Variants in SLMAP observed in about 807,000 individuals in gnomAD.
The protein encoded by SLMAP is sarcolemmal membrane-associated protein.
In SLMAP, 44 loss-of-function variants were observed where a neutral mutation model predicts 128.8. The ratio of observed to expected loss-of-function variants is 0.34; its 90% CI spans 0.27 to 0.44. SLMAP has a LOEUF of 0.44. SLMAP is among the 20% of genes least tolerant of loss of function. SLMAP has a pLI of 1.00. For missense variants in SLMAP, 787 were observed against 985.3 expected (o/e 0.80, Z 2.69); for synonymous variants, 327 against 348.8 (o/e 0.94, Z 0.70).
chr3:57,768,047 T>C (rs1290690226), intron 2 of SLMAP, among the ~76,000 whole-genome samples: 2 of 152,230 alleles, frequency 1.3e-5, no homozygotes. Context: ...CAAACTGATT[T>C]GGCTTTGGGT....
At chr3:57,901,453 C>A (rs1352390607) in intron 17 of SLMAP, 2 of 152,100 alleles carry the variant, frequency 1.3e-5, no homozygotes, top group Admixed American at 1.3e-4. Context: ...GGACAAGAGT[C>A]ATTTGAAATG....
intron 7 of SLMAP, 75 bp from the exon 8 acceptor site, chr3:57,858,013 G>A: frequency 9.4e-7 from 1 of 1,058,302 alleles, no homozygotes; most frequent in Non-Finnish European, 1.5e-6. Context: ...TTTGTTGTCA[G>A]TAGCAACCTT....
At chr3:57,806,070 T>C (rs1357066377) in intron 2 of SLMAP, among the ~76,000 whole-genome samples, 1 of 152,132 alleles carries the variant, frequency 6.6e-6, no homozygotes, top group Non-Finnish European at 1.5e-5. Context: ...CTTTAAGTTC[T>C]GGGATACAAG....
chr3:57,904,542 A>C (rs2096480243), intron 17 of SLMAP, among the ~76,000 whole-genome samples: 1 of 152,236 alleles, frequency 6.6e-6, no homozygotes, highest in South Asian at 2.1e-4. Context: ...CAAAATTAAG[A>C]AATTAACATG....
At chr3:57,922,153 A>T (rs894938758) in intron 22 of SLMAP, among the ~76,000 whole-genome samples, 1 of 152,142 alleles carries the variant, frequency 6.6e-6, no homozygotes, top group African/African-American at 2.4e-5. Flanking sequence ...ACCTATTGGG[A>T]ATTAATACTT....
intron 21 of SLMAP, among the ~76,000 whole-genome samples, chr3:57,914,343 A>G (rs989915892): frequency 3.9e-5 from 6 of 152,176 alleles, no homozygotes; most frequent in African/African-American, 1.2e-4. Flanking sequence ...GCAATAAGCC[A>G]TGATCACACC....
chr3:57,771,561 G>T (rs1310537607), intron 2 of SLMAP, among the ~76,000 whole-genome samples: 1 of 151,974 alleles, frequency 6.6e-6, no homozygotes, highest in African/African-American at 2.4e-5. Flanking sequence ...ACAGGGTCTT[G>T]TTCTGTTGCC....
chr3:57,830,202 A>G (rs1214075048), intron 2 of SLMAP, among the ~76,000 whole-genome samples: 6 of 151,802 alleles, frequency 4.0e-5, no homozygotes, highest in Non-Finnish European at 7.4e-5. Flanking sequence ...ACCACCATAC[A>G]CCACCATGTT....
chr3:57,769,706 A>G (rs913718544), intron 2 of SLMAP, among the ~76,000 whole-genome samples: 1 of 152,232 alleles, frequency 6.6e-6, no homozygotes, highest in Non-Finnish European at 1.5e-5. Context: ...TGAGTATTCA[A>G]GGTAGGTAGG....
intron 21 of SLMAP, among the ~76,000 whole-genome samples, chr3:57,913,604 T>C (rs1327366715): frequency 6.6e-6 from 1 of 152,204 alleles, no homozygotes; most frequent in Non-Finnish European, 1.5e-5. Flanking sequence ...ATCAACTGCT[T>C]TTCTTTCACA....
intron 9 of SLMAP, among the ~76,000 whole-genome samples, chr3:57,861,122 T>C (rs533972319): frequency 2.0e-4 from 30 of 149,328 alleles, no homozygotes; most frequent in Admixed American, 2.0e-3. Context: ...GACCATGATA[T>C]GTGCTGGGGA....
intron 17 of SLMAP, among the ~76,000 whole-genome samples, chr3:57,904,551 TG>T (rs900760972): frequency 4.6e-5 from 7 of 152,246 alleles, no homozygotes; most frequent in Non-Finnish European, 7.3e-5. Flanking sequence ...GAAATTAACA[TG>T]GGTACATTAC....
chr3:57,771,835 G>T (rs187943806), intron 2 of SLMAP, among the ~76,000 whole-genome samples: 1 of 152,142 alleles, frequency 6.6e-6, no homozygotes, highest in African/African-American at 2.4e-5. Flanking sequence ...TGATTAATGC[G>T]TGTTATCCAC....
intron 8 of SLMAP, among the ~76,000 whole-genome samples, chr3:57,859,425 A>G (rs1273524303): frequency 1.3e-5 from 2 of 151,976 alleles, no homozygotes; most frequent in Admixed American, 6.6e-5. Flanking sequence ...ATAGTGGTAC[A>G]TAACCTGTAG....
chr3:57,869,655 TATATA>T (rs1352479616), intron 13 of SLMAP, among the ~76,000 whole-genome samples: 1 of 135,746 alleles, frequency 7.4e-6, no homozygotes, highest in Non-Finnish European at 1.6e-5. Flanking sequence ...TATATATATA[TATATA>T]ATATATATAA....
chr3:57,764,443 A>C (rs1406167726), intron 2 of SLMAP, among the ~76,000 whole-genome samples: 1 of 151,458 alleles, frequency 6.6e-6, no homozygotes, highest in Non-Finnish European at 1.5e-5. Flanking sequence ...CGGAGGTTGC[A>C]GTGAGCAGAG....
chr3:57,869,660 A>ATATATATATATATATATATAAT (rs1553900183), intron 13 of SLMAP, among the ~76,000 whole-genome samples: 1 of 81,370 alleles, frequency 1.2e-5, no homozygotes, highest in East Asian at 6.7e-4. Context: ...ATATATATAT[A>ATATATATATATATATATATAAT]ATATATATAA....
At chr3:57,855,911 G>GTGCTGCATGTCATCCCAGCTAC (rs1446037915) in intron 6 of SLMAP, among the ~76,000 whole-genome samples, 2 of 151,834 alleles carry the variant, frequency 1.3e-5, no homozygotes, top group Non-Finnish European at 2.9e-5. Context: ...AGGCGTGGTG[G>GTGCTGCATGTCATCCCAGCTAC]TGCTGCATGT....
At chr3:57,819,738 A>G (rs1161484290) in intron 2 of SLMAP, among the ~76,000 whole-genome samples, 4 of 151,958 alleles carry the variant, frequency 2.6e-5, no homozygotes, top group Admixed American at 6.6e-5. Context: ...CTGTTATTCT[A>G]TGGGTAAGGT....
Sources: gnomAD v4.1 joint callset for allele counts (sites outside exome capture counted in the v4.1 genomes callset) on GRCh38, gnomAD v4.1.1 for gene constraint, MANE v1.5 for transcripts, NCBI Gene and HGNC (gene_info 2026-07-23, HGNC 2026-07-21) for gene names.